RBM39: variants seen among roughly 807,000 people sequenced by gnomAD.
RBM39 encodes RNA-binding protein 39.
A neutral mutation model predicts 79.6 loss-of-function variants in RBM39; 12 were observed. The observed-to-expected ratio is 0.15, with a 90% confidence interval of 0.10 to 0.24. The LOEUF (loss-of-function observed/expected upper bound fraction) is 0.24, where lower values mean the gene tolerates loss of function less well. RBM39 is among the 10% of genes least tolerant of loss of function. The probability of loss-of-function intolerance (pLI) is 1.00; values close to 1 mark genes in which losing one functional copy is unlikely to be tolerated. For missense variants in RBM39, 243 were observed against 653.4 expected (o/e 0.37, Z 6.85); for synonymous variants, 185 against 208.4 (o/e 0.89, Z 0.97).
intron 6 of RBM39, among the ~76,000 whole-genome samples, chr20:35,725,657 C>CTT (rs773506913): frequency 9.8e-5 from 12 of 122,208 alleles, no homozygotes; most frequent in Non-Finnish European, 1.2e-4. Flanking sequence ...AACCCATTTT[C>CTT]TTTTTTTTTT....
chr20:35,731,836 T>C (rs976097185), intron 4 of RBM39, 105 bp downstream of exon 4: 3 of 1,044,792 alleles, frequency 2.9e-6, no homozygotes, highest in African/African-American at 3.2e-5. Flanking sequence ...TTTTAACCAA[T>C]CATTAAAAAA....
chr20:35,734,138 G>T, intron 3 of RBM39: 2 of 1,113,494 alleles, frequency 1.8e-6, no homozygotes, highest in Non-Finnish European at 2.4e-6. Context: ...GAACCTGTAA[G>T]CAGGTCATCT....
intron 13 of RBM39, among the ~76,000 whole-genome samples, chr20:35,708,370 G>A (rs1174605115): frequency 6.6e-6 from 1 of 151,972 alleles, no homozygotes; most frequent in Non-Finnish European, 1.5e-5. Flanking sequence ...AGTTTCTCAA[G>A]TTTAGTATGA....
At chr20:35,736,228 A>C (rs2039891198) in intron 3 of RBM39, among the ~76,000 whole-genome samples, 1 of 152,190 alleles carries the variant, frequency 6.6e-6, no homozygotes, top group South Asian at 2.1e-4. Flanking sequence ...AGAAAGTCTA[A>C]AACCAGATGA....
intron 3 of RBM39, chr20:35,735,103 AG>A: frequency 6.6e-7 from 1 of 1,521,832 alleles, no homozygotes; most frequent in Non-Finnish European, 8.8e-7. Context: ...GAAAAAAAAT[AG>A]AAAAGTCATT....
chr20:35,736,833 A>G (rs1203084289), intron 3 of RBM39, among the ~76,000 whole-genome samples: 1 of 151,704 alleles, frequency 6.6e-6, no homozygotes, highest in Admixed American at 6.6e-5. Flanking sequence ...TTGTATTTTT[A>G]GTAGAGACGG....
At position 35,740,887 on chromosome 20, in the gene RBM39, C is replaced by A; in HGVS notation, c.-13G>T. 1 of 1,605,864 alleles carries A rather than the reference C, an allele frequency of 6.2e-7. No homozygotes were observed. Among genetic ancestry groups the A allele is most frequent in the Non-Finnish European group, 8.5e-7 (1 of 1,174,796 alleles). On this transcript the variant is annotated splice_region_variant and 5_prime_UTR_variant, in exon 2 of 17. Coordinates refer to ENST00000253363, the MANE Select transcript of RBM39 (RefSeq NM_184234.3). ...TATCGTCTGCCATTTTCTCTAAACG[C>A]CTAGGAAGAGAACAAGACAATTTCT... is the stretch of plus-strand genomic sequence containing the variant.
intron 7 of RBM39, 126 bp downstream of exon 7, chr20:35,724,912 C>T (rs2425105): frequency 0.21 from 204,616 of 992,290 alleles, 23,988 homozygotes; most frequent in African/African-American, 0.42. Flanking sequence ...TCCAATACTA[C>T]AAGAGGCAAA....
At chr20:35,736,919 G>A (rs1033171593) in intron 3 of RBM39, among the ~76,000 whole-genome samples, 3 of 151,456 alleles carry the variant, frequency 2.0e-5, no homozygotes, top group Admixed American at 6.6e-5. Context: ...CCAAAGTGCT[G>A]GGATTACAGG....
intron 3 of RBM39, among the ~76,000 whole-genome samples, chr20:35,737,676 T>C (rs924706275): frequency 5.5e-5 from 8 of 145,040 alleles, no homozygotes; most frequent in African/African-American, 2.1e-4. Flanking sequence ...AATGAAACCC[T>C]GTCTCTACTA....
At chr20:35,726,931 T>C (rs1033946739) in intron 6 of RBM39, among the ~76,000 whole-genome samples, 29 of 152,226 alleles carry the variant, frequency 1.9e-4, no homozygotes, top group African/African-American at 6.3e-4. Context: ...GTTCAAGCAA[T>C]TCTCCTGCCT....
In RBM39 at chr20:35,735,020, T is replaced by G. The variant is rs531415989; in HGVS notation, c.102-2885A>C. On this transcript the variant is annotated intron_variant, in intron 3 of 16. Coordinates refer to ENST00000253363, the MANE Select transcript of RBM39 (RefSeq NM_184234.3). ...ATATGGCCTCTGCAGTAAAGGTGTT[T>G]TGCTATAACTGGATTTGACCTCTTC... is the stretch of plus-strand genomic sequence containing the variant. 4.4e-6 allele frequency: 7 copies of G among 1,607,704 alleles called. 1 individual carries two copies. In the South Asian group the frequency reaches 7.8e-5, roughly 18 times the overall value.
chr20:35,733,351 T>C (rs2039575486), intron 3 of RBM39, among the ~76,000 whole-genome samples: 1 of 146,896 alleles, frequency 6.8e-6, no homozygotes, highest in Admixed American at 6.8e-5. Flanking sequence ...CTCACACCTG[T>C]AATCTCAGCA....
Position 35,705,219 on chromosome 20 carries a change from A to G in RBM39, c.1413+6T>C, listed in dbSNP as rs2146471506. On this transcript the variant is annotated splice_donor_region_variant and intron_variant, in intron 15 of 16. Coordinates refer to ENST00000253363, the MANE Select transcript of RBM39 (RefSeq NM_184234.3). The stretch of plus-strand genomic sequence containing the variant: ...TAACATCATTTATAAAAAAAGATGA[A>G]AATACCTGAGCTGAATTTTTGTCAA... 6.6e-7 allele frequency: 1 copy of G among 1,507,060 alleles called. No individual in the cohort carries two copies. Among genetic ancestry groups the G allele is most frequent in the African/African-American group, 1.4e-5 (1 of 70,700 alleles). 93.4% of individuals were successfully genotyped at this position (1,507,060 alleles called of 1,614,324 possible). A position where few individuals can be genotyped will look rare whatever the true frequency, so the allele number is the denominator to read the frequency against.
intron 12 of RBM39, among the ~76,000 whole-genome samples, chr20:35,711,307 A>G (rs2036377938): frequency 1.3e-5 from 2 of 152,212 alleles, no homozygotes; most frequent in Non-Finnish European, 2.9e-5. Flanking sequence ...CTGGTTAAAA[A>G]AAAACCTTTC....
chr20:35,737,553 T>C (rs1042417080), intron 3 of RBM39, among the ~76,000 whole-genome samples: 2 of 146,492 alleles, frequency 1.4e-5, no homozygotes, highest in Non-Finnish European at 3.0e-5. Flanking sequence ...AAAACGAAAC[T>C]CTGTCTCAAA....
chr20:35,733,018 T>C (rs1046603391), intron 3 of RBM39, among the ~76,000 whole-genome samples: 9 of 152,158 alleles, frequency 5.9e-5, no homozygotes, highest in South Asian at 2.1e-4. Flanking sequence ...TAAGAACTAA[T>C]GCAGGCCAGT....
At chr20:35,729,873 T>C (rs1386905420) in intron 4 of RBM39, among the ~76,000 whole-genome samples, 1 of 151,466 alleles carries the variant, frequency 6.6e-6, no homozygotes, top group African/African-American at 2.4e-5. Flanking sequence ...CACACATATA[T>C]AAAAAATAAA....
rs1224837972 is a variant in RBM39 at position 35,707,194 on chromosome 20, A to C, written c.1233T>G (p.Ala411=). The change falls in exon 14 of 17, where the codon GCT becomes GCG. Residue 411 remains alanine, a synonymous_variant. Coordinates refer to ENST00000253363, the MANE Select transcript of RBM39 (RefSeq NM_184234.3). ...TRLSQQTEAS[A]LAAAASVQPL... ...GCTGAACAGAGGCAGCTGCAGCTAA[A>C]GCTGAAGCTAAAAAAAGAAAGAGAA... 1 of 1,604,734 alleles carries C rather than the reference A, an allele frequency of 6.2e-7. No homozygotes were observed. Among genetic ancestry groups the C allele is most frequent in the Non-Finnish European group, 8.5e-7 (1 of 1,173,742 alleles).
Sources: allele counts gnomAD v4.1 joint callset (sites outside exome capture counted in the v4.1 genomes callset), GRCh38; gene constraint gnomAD v4.1.1; transcripts MANE v1.5; gene names NCBI Gene and HGNC (gene_info 2026-07-23, HGNC 2026-07-21).